MFHAS1: variants seen among roughly 807,000 people sequenced by gnomAD.
The protein encoded by MFHAS1 is malignant fibrous histiocytoma-amplified sequence 1.
Under a neutral mutation model 70.4 loss-of-function variants are expected in MFHAS1, and 50 were observed. The ratio of observed to expected loss-of-function variants is 0.71; its 90% CI spans 0.57 to 0.90. MFHAS1 has a LOEUF of 0.90. Among genes scored for constraint, MFHAS1 ranks in the 40% least tolerant of loss-of-function variants. The pLI is 0.00. For synonymous variants in MFHAS1, 952 were observed against 620.0 expected (o/e 1.54, Z -7.96); for missense variants, 1,795 against 1,347.6 (o/e 1.33, Z -5.20).
intron 1 of MFHAS1, among the ~76,000 whole-genome samples, chr8:8,881,812 T>A (rs1420600752): frequency 1.5e-5 from 2 of 133,920 alleles, no homozygotes; most frequent in Admixed American, 1.6e-4. Flanking sequence ...TAAGACTCCG[T>A]CTCAAAAAAA....
intron 1 of MFHAS1, among the ~76,000 whole-genome samples, chr8:8,830,689 G>A (rs983810410): frequency 3.3e-5 from 5 of 152,072 alleles, no homozygotes; most frequent in Admixed American, 6.6e-5. Context: ...TGCAACCTCC[G>A]CCACCCGGTT....
At chr8:8,889,586 T>C (rs1030219490) in intron 1 of MFHAS1, among the ~76,000 whole-genome samples, 7 of 152,190 alleles carry the variant, frequency 4.6e-5, no homozygotes, top group African/African-American at 1.7e-4. Context: ...CCCACAAATA[T>C]ACAAACCTAT....
intron 1 of MFHAS1, among the ~76,000 whole-genome samples, chr8:8,817,753 G>C (rs933921824): frequency 6.6e-6 from 1 of 152,240 alleles, no homozygotes; most frequent in Admixed American, 6.5e-5. Context: ...CAGATCATTA[G>C]GCATTAGATT....
intron 1 of MFHAS1, among the ~76,000 whole-genome samples, chr8:8,828,216 T>C (rs1402884027): frequency 6.6e-6 from 1 of 152,144 alleles, no homozygotes; most frequent in Non-Finnish European, 1.5e-5. Flanking sequence ...GAGAATAAAT[T>C]AACAGGATGA....
At chr8:8,854,226 G>C (rs909142158) in intron 1 of MFHAS1, among the ~76,000 whole-genome samples, 1 of 152,022 alleles carries the variant, frequency 6.6e-6, no homozygotes, top group Non-Finnish European at 1.5e-5. Context: ...GTGAAACCCC[G>C]TGTCTACTAA....
intron 1 of MFHAS1, among the ~76,000 whole-genome samples, chr8:8,869,079 A>C (rs1808970942): frequency 6.6e-6 from 1 of 152,184 alleles, no homozygotes; most frequent in South Asian, 2.1e-4. Flanking sequence ...AGGAAGGCAA[A>C]AAGAGGGCCG....
intron 1 of MFHAS1, among the ~76,000 whole-genome samples, chr8:8,819,536 G>A (rs1041149335): frequency 1.0e-3 from 151 of 150,700 alleles, no homozygotes; most frequent in African/African-American, 3.2e-3. Context: ...ATCGGGAGGC[G>A]GAGCTTGCAG....
Position 8,840,201 on chromosome 8 carries a change from A to T in MFHAS1, c.2999-42710T>A, listed in dbSNP as rs185515045. Among the ~76,000 whole-genome samples the T allele has an allele frequency of 8.1e-4, 123 of 152,328 alleles. 2 individuals are homozygous for T. Among genetic ancestry groups the T allele is most frequent in the African/African-American group, 2.8e-3 (118 of 41,582 alleles). ...GCCGGGCACAGTGACTCACGCCTGT[A>T]ATCTCAGCACTTTGGGAGGCCGAAG... is the stretch of plus-strand genomic sequence containing the variant. On this transcript the variant is annotated intron_variant, in intron 1 of 2. Coordinates refer to ENST00000276282, the MANE Select transcript of MFHAS1 (RefSeq NM_004225.3).
At chr8:8,842,910 T>C (rs921149447) in intron 1 of MFHAS1, among the ~76,000 whole-genome samples, 6 of 152,226 alleles carry the variant, frequency 3.9e-5, no homozygotes. Flanking sequence ...AATCTGCATT[T>C]ACAAATTAGC....
At chr8:8,812,735 G>A (rs1414337945) in intron 1 of MFHAS1, among the ~76,000 whole-genome samples, 1 of 152,132 alleles carries the variant, frequency 6.6e-6, no homozygotes. Flanking sequence ...GCTTGATACT[G>A]TGAATAAAAT....
In MFHAS1 at chr8:8,869,486, T is replaced by C. The variant is rs114255358; in HGVS notation, c.2998+20575A>G. On this transcript the variant is annotated intron_variant, in intron 1 of 2. Transcript: ENST00000276282. ...ATATTTATAAAGTCTCTTATTTCTA[T>C]GAGACCCTTCCAAATTTAAGAAATA... 1.1e-3 allele frequency among the ~76,000 whole-genome samples: 161 copies of C among 152,298 alleles called. 1 individual carries two copies. Among genetic ancestry groups the C allele is most frequent in the African/African-American group, 3.8e-3 (156 of 41,550 alleles).
intron 1 of MFHAS1, among the ~76,000 whole-genome samples, chr8:8,854,581 A>C (rs1290529859): frequency 6.6e-6 from 1 of 151,552 alleles, no homozygotes; most frequent in African/African-American, 2.4e-5. Flanking sequence ...GCAACTCAGG[A>C]GGCCGAGGTA....
At chr8:8,851,287 T>C (rs1808239927) in intron 1 of MFHAS1, among the ~76,000 whole-genome samples, 1 of 152,224 alleles carries the variant, frequency 6.6e-6, no homozygotes, top group South Asian at 2.1e-4. Context: ...AATATTAATA[T>C]TTAGCATTCC....
chr8:8,819,461 C>T (rs1452288602), intron 1 of MFHAS1, among the ~76,000 whole-genome samples: 1 of 151,894 alleles, frequency 6.6e-6, no homozygotes, highest in African/African-American at 2.4e-5. Context: ...AAAAATTAGC[C>T]GGGCATGGTG....
At chr8:8,812,300 G>A (rs1387085815) in intron 1 of MFHAS1, among the ~76,000 whole-genome samples, 1 of 152,140 alleles carries the variant, frequency 6.6e-6, no homozygotes, top group Non-Finnish European at 1.5e-5. Context: ...ACTGAAGCCG[G>A]CGTAAGATCT....
At position 8,890,753 on chromosome 8, in the gene MFHAS1, G is replaced by A. The variant is rs144886583; in HGVS notation, c.2306C>T (p.Pro769Leu). Residue 769 changes from proline (P) to leucine (L), a missense_variant, in exon 1 of 3, where the codon CCC (proline) becomes CTC (leucine). Physicochemically the swap from Pro to Leu is moderately conservative, Grantham distance 98. Coordinates refer to ENST00000276282, the MANE Select transcript of MFHAS1 (RefSeq NM_004225.3). ...EGKAEGESSP[P>L]MARSTPSQEL... ...CTGGCTGGGGGTGGACCGCGCCATGGGCGGGGAGCTTTCCCCCTCCGCCTT... is the reference window on the plus strand; with the variant it reads ...CTGGCTGGGGGTGGACCGCGCCATGAGCGGGGAGCTTTCCCCCTCCGCCTT... 68 of 1,613,766 alleles carry A rather than the reference G, an allele frequency of 4.2e-5. No individual in the cohort carries two copies. In the African/African-American group the frequency reaches 8.3e-4, roughly 20 times the overall value.
chr8:8,874,057 C>G (rs78945375), intron 1 of MFHAS1, among the ~76,000 whole-genome samples: 20,074 of 152,176 alleles, frequency 0.13, 1,797 homozygotes, highest in Middle Eastern at 0.22. Flanking sequence ...CAAAGCGAAG[C>G]CTTCATAACC....
At chr8:8,882,389 A>AAAACAAAC (rs373389563) in intron 1 of MFHAS1, among the ~76,000 whole-genome samples, 4 of 151,802 alleles carry the variant, frequency 2.6e-5, no homozygotes, top group African/African-American at 7.3e-5. Flanking sequence ...ACTCAGTCTC[A>AAAACAAAC]AAACAAACAA....
At chr8:8,807,268 A>G (rs961164967) in intron 1 of MFHAS1, among the ~76,000 whole-genome samples, 3 of 152,132 alleles carry the variant, frequency 2.0e-5, no homozygotes, top group African/African-American at 2.4e-5. Context: ...ATTATCTCAG[A>G]AAAAAAGCCT....
Sources: gnomAD v4.1 joint callset for allele counts (sites outside exome capture counted in the v4.1 genomes callset) on GRCh38, gnomAD v4.1.1 for gene constraint, MANE v1.5 for transcripts, NCBI Gene and HGNC (gene_info 2026-07-23, HGNC 2026-07-21) for gene names.